The following DDAH1 variants were observed in gnomAD, a reference collection of about 807,000 sequenced individuals.
DDAH1 encodes the protein N(G),N(G)-dimethylarginine dimethylaminohydrolase 1.
In DDAH1, 19 loss-of-function variants were observed where a neutral mutation model predicts 28.8. The ratio of observed to expected loss-of-function variants is 0.66; its 90% CI spans 0.46 to 0.97. The LOEUF (loss-of-function observed/expected upper bound fraction) is 0.97. Among genes scored for constraint, DDAH1 ranks in the 50% least tolerant of loss-of-function variants. The pLI, the probability that DDAH1 is intolerant of heterozygous loss-of-function variation, is 0.00. For synonymous variants in DDAH1, 153 were observed against 154.4 expected, an observed-to-expected ratio of 0.99 and a Z score of 0.07; for missense variants, 326 against 375.9, an observed-to-expected ratio of 0.87 and a Z score of 1.10.
chr1:85,333,147 C>T (rs1323532790), intron 4 of DDAH1, among the ~76,000 whole-genome samples: 2 of 152,194 alleles, frequency 1.3e-5, no homozygotes, highest in African/African-American at 2.4e-5. Flanking sequence ...GCGTCCTATC[C>T]CCAGGAAAAC....
At chr1:85,392,792 A>G (rs1265600449) in intron 1 of DDAH1, among the ~76,000 whole-genome samples, 83 of 5,894 alleles carry the variant, frequency 0.014, no homozygotes, top group African/African-American at 0.14. Context: ...ACTCTGTCTA[A>G]AAAAAAAAAA....
chr1:85,413,594 T>C (rs1303674853), intron 1 of DDAH1, among the ~76,000 whole-genome samples: 3 of 152,226 alleles, frequency 2.0e-5, no homozygotes, highest in Admixed American at 6.5e-5. Context: ...AAGTAAAATA[T>C]GGCATAGAAG....
At chr1:85,495,635 A>G (rs1298753530) in intron 2 of DDAH1, 1 of 152,202 alleles carries the variant, frequency 6.6e-6, no homozygotes, top group African/African-American at 2.4e-5. Flanking sequence ...TTCCGGGAGG[A>G]AAAATATTCA....
rs545690876 is a variant in DDAH1, at chr1:85,458,840, C to CT, written c.303+5902dup. 4.6e-3 allele frequency among the ~76,000 whole-genome samples: 693 copies of CT among 152,098 alleles called. 2 individuals carry two copies. Among genetic ancestry groups the CT allele is most frequent in the Middle Eastern group, 0.014 (4 of 294 alleles). On this transcript the variant is annotated intron_variant, in intron 1 of 5. Coordinates refer to ENST00000284031, the MANE Select transcript of DDAH1 (RefSeq NM_012137.4). Reference sequence around the variant, plus strand: ...TGTTCTGTATAAGATATAAATGAAACTTTTTTCTCTCTTATTAAGGTTTTA... The same window carrying CT: ...TGTTCTGTATAAGATATAAATGAAACTTTTTTTCTCTCTTATTAAGGTTTTA...
chr1:85,493,679 A>G (rs1656481319), intron 2 of DDAH1: 1 of 152,206 alleles, frequency 6.6e-6, no homozygotes, highest in African/African-American at 2.4e-5. Context: ...ACTTGGAGCC[A>G]CATGGTTATT....
intron 1 of DDAH1, among the ~76,000 whole-genome samples, chr1:85,436,467 T>C (rs890053367): frequency 6.6e-6 from 1 of 152,224 alleles, no homozygotes; most frequent in African/African-American, 2.4e-5. Flanking sequence ...TTGCATATCA[T>C]TAATACGAAT....
intron 1 of DDAH1, among the ~76,000 whole-genome samples, chr1:85,422,493 T>A (rs1167321386): frequency 6.6e-6 from 1 of 152,212 alleles, no homozygotes; most frequent in Non-Finnish European, 1.5e-5. Context: ...AGGCCACCTA[T>A]ATTTTATCCT....
At chr1:85,408,591 A>G (rs1024087129) in intron 1 of DDAH1, among the ~76,000 whole-genome samples, 2 of 152,216 alleles carry the variant, frequency 1.3e-5, no homozygotes, top group Non-Finnish European at 1.5e-5. Context: ...GCTAAAAAGT[A>G]TGTCACAGTG....
intron 2 of DDAH1, among the ~76,000 whole-genome samples, chr1:85,487,075 T>C (rs1414178864): frequency 1.3e-5 from 2 of 152,210 alleles, no homozygotes; most frequent in African/African-American, 4.8e-5. Context: ...CCAAAGTAGG[T>C]TGTGAGAAAA....
At chr1:85,481,686 A>G (rs1238793307) in intron 2 of DDAH1, among the ~76,000 whole-genome samples, 1 of 152,210 alleles carries the variant, frequency 6.6e-6, no homozygotes, top group Non-Finnish European at 1.5e-5. Context: ...AGAGGCAGTT[A>G]CATGGAAAAC....
At chr1:85,395,425 C>T (rs1392902624) in intron 1 of DDAH1, among the ~76,000 whole-genome samples, 1 of 152,178 alleles carries the variant, frequency 6.6e-6, no homozygotes, top group African/African-American at 2.4e-5. Context: ...GTAGTCCCAG[C>T]ACTTTGGGAG....
intron 1 of DDAH1, among the ~76,000 whole-genome samples, chr1:85,422,444 A>G (rs1025627700): frequency 2.6e-5 from 4 of 152,180 alleles, no homozygotes; most frequent in African/African-American, 9.7e-5. Context: ...CATAAATCAT[A>G]CTTTTGGTGT....
At chr1:85,477,256 C>A (rs1021551519) in intron 2 of DDAH1, among the ~76,000 whole-genome samples, 3 of 152,082 alleles carry the variant, frequency 2.0e-5, no homozygotes, top group African/African-American at 7.2e-5. Flanking sequence ...ATATTGTTAA[C>A]CTTGTTTTAA....
At chr1:85,355,661 G>A (rs1649452126) in intron 2 of DDAH1, among the ~76,000 whole-genome samples, 1 of 152,140 alleles carries the variant, frequency 6.6e-6, no homozygotes, top group Non-Finnish European at 1.5e-5. Context: ...TTACTTTAGA[G>A]AAACTCTTGT....
At chr1:85,404,131 T>G (rs550817977) in intron 1 of DDAH1, among the ~76,000 whole-genome samples, 1 of 152,194 alleles carries the variant, frequency 6.6e-6, no homozygotes, top group Non-Finnish European at 1.5e-5. Flanking sequence ...AAAAAAAGGC[T>G]TATGGAATTT....
intron 1 of DDAH1, among the ~76,000 whole-genome samples, chr1:85,508,049 C>T (rs1054030503): frequency 5.3e-5 from 8 of 152,110 alleles, no homozygotes; most frequent in African/African-American, 1.4e-4. Flanking sequence ...AAATTTGTCC[C>T]GTATTAGTGA....
At chr1:85,542,745 C>T (rs1658507868) in intron 1 of DDAH1, among the ~76,000 whole-genome samples, 1 of 152,226 alleles carries the variant, frequency 6.6e-6, no homozygotes, top group African/African-American at 2.4e-5. Context: ...CTGTCATTTT[C>T]CATTCTCTTT....
At chr1:85,539,750 C>G (rs1476229890) in intron 1 of DDAH1, among the ~76,000 whole-genome samples, 1 of 152,104 alleles carries the variant, frequency 6.6e-6, no homozygotes, top group Admixed American at 6.5e-5. Context: ...TAGGTTCCAT[C>G]CCTCGATCAA....
intron 1 of DDAH1, among the ~76,000 whole-genome samples, chr1:85,502,681 C>T (rs1656862298): frequency 6.6e-6 from 1 of 152,202 alleles, no homozygotes; most frequent in South Asian, 2.1e-4. Flanking sequence ...CCACCACTGC[C>T]ATTGTTTCTG....
Sources: gnomAD v4.1 joint callset for allele counts (sites outside exome capture counted in the v4.1 genomes callset) on GRCh38, gnomAD v4.1.1 for gene constraint, MANE v1.5 for transcripts, NCBI Gene and HGNC (gene_info 2026-07-23, HGNC 2026-07-21) for gene names.